POSTN: variants seen among roughly 807,000 people sequenced by gnomAD.
POSTN encodes the protein osteoblast specific factor 2 (fasciclin I-like).
In POSTN, 71 loss-of-function variants were observed where a neutral mutation model predicts 104.5. The observed-to-expected ratio is 0.68, with a 90% CI of 0.56 to 0.83. The LOEUF (loss-of-function observed/expected upper bound fraction) is 0.83, where lower values mean the gene tolerates loss of function less well. Ranked by LOEUF, POSTN falls within the 40% of genes least tolerant of loss-of-function variation. POSTN has a pLI of 0.00. For synonymous variants in POSTN, 355 were observed against 340.7 expected (o/e 1.04, Z -0.46); for missense variants, 949 against 1,006.8 (o/e 0.94, Z 0.78).
intron 19 of POSTN, among the ~76,000 whole-genome samples, chr13:37,570,173 T>C (rs988309551): frequency 4.0e-5 from 6 of 151,862 alleles, no homozygotes; most frequent in Non-Finnish European, 5.9e-5. Context: ...CTGAAAATAT[T>C]GATCAATTGC....
chr13:37,567,268 C>T (rs1282662568), intron 21 of POSTN, among the ~76,000 whole-genome samples: 1 of 142,400 alleles, frequency 7.0e-6, no homozygotes, highest in East Asian at 2.0e-4. Context: ...CTACATGTAC[C>T]ACAATGTATA....
chr13:37,575,459 A>G lies in POSTN; in HGVS notation c.2009-807T>C, dbSNP rs545788983. Reference sequence around the variant, plus strand: ...CCTACGTGTGTACCCCCCTAGATCTATAATAAAAGTAAATTAAAATAAATT... The same window carrying G: ...CCTACGTGTGTACCCCCCTAGATCTGTAATAAAAGTAAATTAAAATAAATT... On this transcript the variant is annotated intron_variant, in intron 16 of 22. Transcript: ENST00000379747. Among the ~76,000 whole-genome samples, 4 of 150,408 alleles carry G rather than the reference A, an allele frequency of 2.7e-5. No homozygotes were observed. In the South Asian group the frequency reaches 8.3e-4, roughly 31 times the overall value.
In POSTN at chr13:37,579,995, A is replaced by G. The variant is rs371125058; in HGVS notation, c.1530-4T>C. 25 of 1,611,696 alleles carry G rather than the reference A, an allele frequency of 1.6e-5. No homozygotes were observed. The highest frequency in any genetic ancestry group is 2.0e-5 in the Non-Finnish European group (24 of 1,178,484). ...TTCAAGTAGGCTGAGGAAGGTGCTA[A>G]GTGGGAAGAATGTATATGTATTTTG... On this transcript the variant is annotated splice_polypyrimidine_tract_variant and splice_region_variant and intron_variant, in intron 11 of 22. Transcript: ENST00000379747.
intron 21 of POSTN, among the ~76,000 whole-genome samples, chr13:37,565,691 T>C (rs1403441622): frequency 2.0e-5 from 3 of 152,104 alleles, no homozygotes. Flanking sequence ...ACCACATTAA[T>C]ACTAGAGTAA....
chr13:37,572,492 G>A (rs1199097719), intron 17 of POSTN, among the ~76,000 whole-genome samples: 4 of 151,470 alleles, frequency 2.6e-5, no homozygotes, highest in Non-Finnish European at 4.4e-5. Context: ...AAGAAAGGAC[G>A]CCTAAGGAAT....
chr13:37,582,001 T>C (rs1236181505), intron 10 of POSTN, among the ~76,000 whole-genome samples: 1 of 152,168 alleles, frequency 6.6e-6, no homozygotes, highest in East Asian at 1.9e-4. Context: ...TTGCAAACAA[T>C]CATCATAAAG....
intron 20 of POSTN, 106 bp downstream of exon 20, chr13:37,569,638 T>C: frequency 2.1e-6 from 2 of 958,874 alleles, no homozygotes; most frequent in Middle Eastern, 2.1e-4. Context: ...GGTATGGAAA[T>C]GAACAATAGA....
At chr13:37,573,883 A>T (rs1950325989) in intron 17 of POSTN, among the ~76,000 whole-genome samples, 1 of 151,470 alleles carries the variant, frequency 6.6e-6, no homozygotes, top group Admixed American at 6.6e-5. Flanking sequence ...AGAGAAAAGT[A>T]ACTGCTTATT....
chr13:37,593,357 TA>T (rs1199527504), intron 2 of POSTN, among the ~76,000 whole-genome samples: 1 of 150,786 alleles, frequency 6.6e-6, no homozygotes, highest in African/African-American at 2.4e-5. Flanking sequence ...TTTCATAGAA[TA>T]TTTTCTGGAC....
chr13:37,597,711 A>G (rs927509694), intron 1 of POSTN, among the ~76,000 whole-genome samples: 2 of 152,146 alleles, frequency 1.3e-5, no homozygotes, highest in African/African-American at 4.8e-5. Context: ...AAAAGAGACA[A>G]GGTTTATTAT....
chr13:37,592,442 GC>G (rs1950965163), intron 2 of POSTN, among the ~76,000 whole-genome samples: 1 of 152,126 alleles, frequency 6.6e-6, no homozygotes, highest in South Asian at 2.1e-4. Context: ...GGGACTACAG[GC>G]GCCTACCACC....
chr13:37,591,950 A>G (rs1443505776), intron 3 of POSTN, 150 bp downstream of exon 3: 2 of 547,230 alleles, frequency 3.7e-6, no homozygotes, highest in African/African-American at 3.9e-5. Flanking sequence ...TATCATTCAT[A>G]AATTCATGAT....
intron 17 of POSTN, among the ~76,000 whole-genome samples, chr13:37,573,423 A>G (rs1247203962): frequency 6.6e-6 from 1 of 150,760 alleles, no homozygotes; most frequent in Non-Finnish European, 1.5e-5. Context: ...AAAAACAAGG[A>G]TAGATTTCAA....
intron 9 of POSTN, among the ~76,000 whole-genome samples, chr13:37,583,443 GTTT>G (rs5802885): frequency 1.6e-5 from 2 of 127,286 alleles, no homozygotes; most frequent in Non-Finnish European, 3.3e-5. Context: ...TTTAAGTTTC[GTTT>G]TTTTTTTTTT....
intron 11 of POSTN, among the ~76,000 whole-genome samples, chr13:37,580,240 C>CA (rs1197281981): frequency 2.0e-5 from 3 of 151,396 alleles, no homozygotes; most frequent in Admixed American, 2.0e-4. Context: ...TCACACATAA[C>CA]AAAAAAGAAG....
rs976030705 is a variant in POSTN at position 37,580,047 on chromosome 13, C to T, written c.1530-56G>A. 15 of 1,511,142 alleles carry T rather than the reference C, an allele frequency of 9.9e-6. No homozygotes were observed. The African/African-American group carries it at 1.8e-4, about 18-fold the overall frequency. 93.6% of individuals were successfully genotyped at this position (1,511,142 alleles called of 1,614,324 possible). A position where few individuals can be genotyped will look rare whatever the true frequency, so the allele number is the denominator to read the frequency against. Reference sequence around the variant, plus strand: ...CAGATTTAGATTTAGGTATGTTCACCTACAGTGCATGTAATAGAATAGAAT... The same window carrying T: ...CAGATTTAGATTTAGGTATGTTCACTTACAGTGCATGTAATAGAATAGAAT... On this transcript the variant is annotated intron_variant, in intron 11 of 22. Transcript: ENST00000379747.
chr13:37,579,364 G>A lies in POSTN; in HGVS notation c.1661-5C>T, dbSNP rs1001292693. Reference sequence around the variant, plus strand: ...TTTGAAGAGCATTTTTGTCCCCTAGGGGAAAATATATGTTTATTTTTATTG... The same window carrying A: ...TTTGAAGAGCATTTTTGTCCCCTAGAGGAAAATATATGTTTATTTTTATTG... On this transcript the variant is annotated splice_region_variant and splice_polypyrimidine_tract_variant and intron_variant, in intron 12 of 22. Transcript: ENST00000379747. The A allele has an allele frequency of 5.1e-6, 8 of 1,558,258 alleles. No homozygotes were observed. In the African/African-American group the frequency reaches 9.5e-5, roughly 19 times the overall value.
At chr13:37,570,769 A>G (rs1285110224) in intron 18 of POSTN, 100 bp from the exon 19 acceptor site, 21 of 754,364 alleles carry the variant, frequency 2.8e-5, no homozygotes, top group Non-Finnish European at 4.7e-5. Context: ...TTCTACAAAT[A>G]TTACCATTTA....
intron 16 of POSTN, among the ~76,000 whole-genome samples, chr13:37,575,956 T>G (rs1950395692): frequency 6.6e-6 from 1 of 152,300 alleles, no homozygotes; most frequent in Non-Finnish European, 1.5e-5. Context: ...CAAAATGGAC[T>G]AATTCCTTTT....
Sources: gnomAD v4.1 joint callset for allele counts (sites outside exome capture counted in the v4.1 genomes callset) on GRCh38, gnomAD v4.1.1 for gene constraint, MANE v1.5 for transcripts, NCBI Gene and HGNC (gene_info 2026-07-23, HGNC 2026-07-21) for gene names.